The following CSMD1 variants were observed in gnomAD, a reference collection of about 807,000 sequenced individuals.
The protein encoded by CSMD1 is CUB and sushi domain-containing protein 1.
Under a neutral mutation model 417.5 loss-of-function variants are expected in CSMD1, and 213 were observed. That is an observed-to-expected ratio of 0.51 (90% confidence interval 0.46 to 0.57). The LOEUF (loss-of-function observed/expected upper bound fraction) is 0.57. CSMD1 is among the 20% of genes least tolerant of loss of function. CSMD1 has a pLI of 0.00. For missense variants in CSMD1, 6,923 were observed against 4,529.7 expected (o/e 1.53, Z -15.17); for synonymous variants, 2,862 against 1,736.8 (o/e 1.65, Z -16.11).
intron 3 of CSMD1, among the ~76,000 whole-genome samples, chr8:4,231,569 G>A (rs1003386832): frequency 3.3e-5 from 5 of 152,278 alleles, no homozygotes; most frequent in South Asian, 2.1e-4. Flanking sequence ...CAGTTTGCAT[G>A]TAACTATTAT....
At chr8:3,570,817 A>G (rs13266635) in intron 10 of CSMD1, among the ~76,000 whole-genome samples, 1 of 152,176 alleles carries the variant, frequency 6.6e-6, no homozygotes, top group Non-Finnish European at 1.5e-5. Flanking sequence ...ATGGGACGAC[A>G]AGGAGTTTCA....
intron 54 of CSMD1, among the ~76,000 whole-genome samples, chr8:2,992,006 T>C (rs754294767): frequency 2.6e-5 from 4 of 152,234 alleles, no homozygotes; most frequent in Non-Finnish European, 5.9e-5. Context: ...CAGATTTAAA[T>C]ATTCCATATG....
intron 3 of CSMD1, among the ~76,000 whole-genome samples, chr8:4,125,533 G>T (rs535518156): frequency 1.1e-4 from 17 of 152,284 alleles, no homozygotes; most frequent in Admixed American, 8.5e-4. Flanking sequence ...TGTCAGGGGC[G>T]CGCAGCCTCA....
chr8:4,225,384 G>T (rs927960271), intron 3 of CSMD1, among the ~76,000 whole-genome samples: 8 of 151,786 alleles, frequency 5.3e-5, no homozygotes, highest in Non-Finnish European at 7.4e-5. Context: ...TGTTTCTCAT[G>T]AATTTCTAGT....
chr8:4,098,441 A>T (rs17332412), intron 3 of CSMD1, among the ~76,000 whole-genome samples: 14,551 of 152,150 alleles, frequency 0.096, 785 homozygotes, highest in Middle Eastern at 0.19. Context: ...TATGTGCAAC[A>T]TGCATCAGAC....
chr8:3,385,721 G>C (rs1025195527), intron 18 of CSMD1, among the ~76,000 whole-genome samples: 3 of 152,008 alleles, frequency 2.0e-5, no homozygotes, highest in Non-Finnish European at 2.9e-5. Context: ...ATTTATTTTA[G>C]AGTTTACTTA....
chr8:3,582,354 C>T (rs749681660), intron 9 of CSMD1, among the ~76,000 whole-genome samples: 4 of 151,998 alleles, frequency 2.6e-5, no homozygotes, highest in Admixed American at 6.6e-5. Context: ...CAAATTGAGA[C>T]GCTACTTAAA....
chr8:4,147,598 C>T lies in CSMD1; in HGVS notation c.416-115499G>A, dbSNP rs187463317. ...TGATAATGACCCTAATAAATAATAT[C>T]GGTTCCCTAATGCAGCTGGACATGT... On this transcript the variant is annotated intron_variant, in intron 3 of 69. Coordinates refer to ENST00000635120, the MANE Select transcript of CSMD1 (RefSeq NM_033225.6). 4.4e-3 allele frequency among the ~76,000 whole-genome samples: 666 copies of T among 152,242 alleles called. 3 individuals carry two copies. The highest frequency in any genetic ancestry group is 6.2e-3 in the Non-Finnish European group (419 of 68,010).
rs763144420 is a variant in CSMD1, at chr8:3,142,584, A to G, written c.6122T>C (p.Ile2041Thr). 6.1e-5 allele frequency: 99 copies of G among 1,613,862 alleles called. No individual in the cohort carries two copies. The highest frequency in any genetic ancestry group is 1.6e-4 in the East Asian group (7 of 44,896). ...GAGATCCGTGCCGCTAAATTGTCCA[A>G]TCATGGGGCTGGTGTGGTAAGGTCC... ...QNGPYHTSPMIGQFSGTDLPA... is the reference protein window; with the variant it reads ...QNGPYHTSPMTGQFSGTDLPA... The change falls in exon 41 of 70, where the codon ATT (isoleucine) becomes ACT (threonine). Residue 2041 changes from isoleucine to threonine, a missense_variant. Transcript: ENST00000635120.
intron 40 of CSMD1, among the ~76,000 whole-genome samples, chr8:3,150,535 T>A (rs1184931234): frequency 6.6e-6 from 1 of 152,226 alleles, no homozygotes; most frequent in Non-Finnish European, 1.5e-5. Flanking sequence ...TTGAATAAAG[T>A]GTGTGATCTT....
intron 21 of CSMD1, among the ~76,000 whole-genome samples, chr8:3,349,131 G>T (rs918234187): frequency 6.6e-6 from 1 of 152,190 alleles, no homozygotes; most frequent in Non-Finnish European, 1.5e-5. Flanking sequence ...TAATTGTCAG[G>T]TTGGAAACCA....
chr8:3,808,543 T>C (rs60791254), intron 5 of CSMD1, among the ~76,000 whole-genome samples: 7,103 of 152,248 alleles, frequency 0.047, 291 homozygotes, highest in African/African-American at 0.1. Flanking sequence ...ACATGCAAAG[T>C]CTGTCTCTCT....
At chr8:3,957,564 G>A (rs549666599) in intron 5 of CSMD1, among the ~76,000 whole-genome samples, 27 of 152,038 alleles carry the variant, frequency 1.8e-4, no homozygotes, top group Non-Finnish European at 4.0e-4. Flanking sequence ...CATACTTGTA[G>A]TCCCAGCTAC....
intron 50 of CSMD1, among the ~76,000 whole-genome samples, chr8:3,045,940 G>C (rs1040448022): frequency 1.3e-5 from 2 of 152,180 alleles, no homozygotes; most frequent in African/African-American, 4.8e-5. Flanking sequence ...TATAGGGTTA[G>C]TTTTAAGCTA....
rs1025463828 is a variant in CSMD1, at chr8:4,178,545, A to G, written c.416-146446T>C. On this transcript the variant is annotated intron_variant, in intron 3 of 69. Coordinates refer to ENST00000635120, the MANE Select transcript of CSMD1 (RefSeq NM_033225.6). Reference sequence around the variant, plus strand: ...CAAGACAGGGATGCCCTCTCTCACCACTCCTATTCAACATAGTGTTGGAAG... The same window carrying G: ...CAAGACAGGGATGCCCTCTCTCACCGCTCCTATTCAACATAGTGTTGGAAG... Among the ~76,000 whole-genome samples the G allele has an allele frequency of 2.5e-4, 38 of 150,582 alleles. 1 individual carries two copies. In the South Asian group the frequency reaches 2.8e-3, roughly 11 times the overall value.
At position 4,391,094 on chromosome 8, in the gene CSMD1, A is replaced by C. The variant is rs138194801; in HGVS notation, c.415+28859T>G. Among the ~76,000 whole-genome samples, 104 of 152,338 alleles carry C rather than the reference A, an allele frequency of 6.8e-4. No homozygotes were observed. In the East Asian group the frequency reaches 0.014, roughly 20 times the overall value. On this transcript the variant is annotated intron_variant, in intron 3 of 69. Transcript: ENST00000635120. ...TGTCTAGATCCTGGAATGAGGACATAAACTGAAGGCAGCCACAAATCTGTG... is the reference window on the plus strand; with the variant it reads ...TGTCTAGATCCTGGAATGAGGACATCAACTGAAGGCAGCCACAAATCTGTG...
At chr8:3,560,760 T>TATATAGCC (rs1799435311) in intron 10 of CSMD1, among the ~76,000 whole-genome samples, 1 of 152,206 alleles carries the variant, frequency 6.6e-6, no homozygotes, top group Admixed American at 6.5e-5. Flanking sequence ...AGGAGAACTT[T>TATATAGCC]TTTGGCTATA....
chr8:3,621,540 G>C (rs780356244), intron 7 of CSMD1, among the ~76,000 whole-genome samples: 2 of 152,024 alleles, frequency 1.3e-5, no homozygotes, highest in Non-Finnish European at 2.9e-5. Context: ...ATGTACAATA[G>C]CATCAATATA....
At chr8:4,722,006 G>C (rs113938012) in intron 1 of CSMD1, among the ~76,000 whole-genome samples, 2,022 of 152,238 alleles carry the variant, frequency 0.013, 50 homozygotes, top group African/African-American at 0.047. Context: ...ATGGTTATTG[G>C]AGTGGGCTGG....
Sources: allele counts gnomAD v4.1 joint callset (sites outside exome capture counted in the v4.1 genomes callset), GRCh38; gene constraint gnomAD v4.1.1; transcripts MANE v1.5; gene names NCBI Gene and HGNC (gene_info 2026-07-23, HGNC 2026-07-21).